The following PTP4A2 variants were observed in gnomAD, a reference collection of about 807,000 sequenced individuals.
PTP4A2 encodes the protein protein tyrosine phosphatase 4A2.
In PTP4A2, 2 loss-of-function variants were observed where a neutral mutation model predicts 22.9. The ratio of observed to expected loss-of-function variants is 0.09; its 90% CI spans 0.04 to 0.27. The LOEUF (loss-of-function observed/expected upper bound fraction) is 0.27, where lower values mean the gene tolerates loss of function less well. PTP4A2 is among the 10% of genes least tolerant of loss of function. PTP4A2 has a pLI of 1.00. For synonymous variants in PTP4A2, 68 were observed against 69.1 expected (o/e 0.98, Z 0.08); for missense variants, 103 against 205.1 (o/e 0.50, Z 3.04).
rs1247368382 is a variant in PTP4A2, at chr1:31,908,067, T to C, written c.*785A>G. ...GTATTAGATAGGGTTTTGAAGAAAC[T>C]AACATGAACACCCTTTCATCAGTAA... On this transcript the variant is annotated 3_prime_UTR_variant, in exon 6 of 6. Transcript: ENST00000647444. 10 of 130,512 alleles carry C rather than the reference T, an allele frequency of 7.7e-5. No individual in the cohort carries two copies. The highest frequency in any genetic ancestry group is 1.6e-4 in the Non-Finnish European group (10 of 61,404). 8.1% of individuals were successfully genotyped at this position (130,512 alleles called of 1,614,324 possible).
At chr1:31,912,765 T>C (rs545156854) in intron 3 of PTP4A2, among the ~76,000 whole-genome samples, 12 of 152,220 alleles carry the variant, frequency 7.9e-5, no homozygotes, top group African/African-American at 2.9e-4. Flanking sequence ...TGAGATTGGA[T>C]AAGGACACTT....
intron 2 of PTP4A2, among the ~76,000 whole-genome samples, chr1:31,918,197 C>T (rs1032045416): frequency 4.6e-5 from 7 of 150,986 alleles, no homozygotes; most frequent in African/African-American, 1.2e-4. Flanking sequence ...TGCAGTGAGC[C>T]GAGATAGTGC....
chr1:31,928,233 T>C (rs1652561903), intron 1 of PTP4A2, among the ~76,000 whole-genome samples: 1 of 147,288 alleles, frequency 6.8e-6, no homozygotes, highest in African/African-American at 2.5e-5. Flanking sequence ...AATAATATAA[T>C]ATATAGCATA....
In PTP4A2 at chr1:31,908,066, C is replaced by G. The variant is rs1651270151; in HGVS notation, c.*786G>C. On this transcript the variant is annotated 3_prime_UTR_variant, in exon 6 of 6. Transcript: ENST00000647444. ...AGTATTAGATAGGGTTTTGAAGAAA[C>G]TAACATGAACACCCTTTCATCAGTA... The G allele has an allele frequency of 7.7e-6, 1 of 130,454 alleles. No individual in the cohort carries two copies. Among genetic ancestry groups the G allele is most frequent in the Non-Finnish European group, 1.6e-5 (1 of 61,472 alleles). 8.1% of individuals were successfully genotyped at this position (130,454 alleles called of 1,614,324 possible).
chr1:31,921,376 TCTC>T (rs1489599760), intron 1 of PTP4A2: 1 of 152,134 alleles, frequency 6.6e-6, no homozygotes, highest in Non-Finnish European at 1.5e-5. Flanking sequence ...AACCTCATCC[TCTC>T]CTTTCTATTT....
intron 1 of PTP4A2, chr1:31,933,854 A>G (rs1382271030): frequency 6.6e-6 from 1 of 152,254 alleles, no homozygotes; most frequent in Non-Finnish European, 1.5e-5. Flanking sequence ...TTGGCGTAAG[A>G]AAGGAATGTG....
intron 1 of PTP4A2, among the ~76,000 whole-genome samples, chr1:31,922,634 CT>C (rs869069128): frequency 3.1e-5 from 3 of 97,232 alleles, no homozygotes; most frequent in East Asian, 2.7e-4. Flanking sequence ...TTCTTTCTTT[CT>C]TTTATTTATT....
intron 1 of PTP4A2, among the ~76,000 whole-genome samples, chr1:31,922,582 G>GTTGGTTTCTTTCTTTC (rs1553211652): frequency 7.1e-6 from 1 of 141,724 alleles, no homozygotes; most frequent in Non-Finnish European, 1.5e-5. Flanking sequence ...AAAAACCCAG[G>GTTGGTTTCTTTCTTTC]TTTGTTTCTT....
intron 1 of PTP4A2, among the ~76,000 whole-genome samples, chr1:31,922,256 G>C (rs1020358547): frequency 1.3e-5 from 2 of 152,356 alleles, no homozygotes; most frequent in African/African-American, 4.8e-5. Context: ...GGCCAAGGCA[G>C]GCAGATCACC....
Position 31,915,897 on chromosome 1 carries a change from G to A in PTP4A2, c.187C>T (p.Leu63=). The A allele has an allele frequency of 6.3e-7, 1 of 1,583,206 alleles. No individual in the cohort carries two copies. The highest frequency in any genetic ancestry group is 8.6e-7 in the Non-Finnish European group (1 of 1,164,866). ...APVEKEGIHV[L]DWPFDDGAPP... is the part of the protein sequence containing the mutation. ...AAATTTAAATACTACACACTCACTA[G>A]AACGTGGATTCCTTCTTTTTCAACT... is the stretch of plus-strand genomic sequence containing the variant. The change falls in exon 3 of 6, where the codon CTA becomes TTA. Residue 63 remains leucine, a splice_region_variant and synonymous_variant. Transcript: ENST00000647444.
chr1:31,935,952 G>A lies in PTP4A2; in HGVS notation c.-594+2035C>T, dbSNP rs138580846. Among the ~76,000 whole-genome samples the A allele has an allele frequency of 1.1e-3, 164 of 151,828 alleles. 5 individuals carry two copies. In the East Asian group the frequency reaches 0.03, roughly 27 times the overall value. ...TGGAACTACAGGCACGCACTACCACGCCTAACTTTTGTATTTTCTGTAGAA... is the reference window on the plus strand; with the variant it reads ...TGGAACTACAGGCACGCACTACCACACCTAACTTTTGTATTTTCTGTAGAA... On this transcript the variant is annotated intron_variant, in intron 1 of 5. Transcript: ENST00000647444.
At chr1:31,921,246 T>G (rs1479242279) in intron 1 of PTP4A2, 1 of 152,242 alleles carries the variant, frequency 6.6e-6, no homozygotes, top group Non-Finnish European at 1.5e-5. Context: ...AAAAATGAAG[T>G]GACTTGCCTA....
rs1651307795 is a variant in PTP4A2 at position 31,908,149 on chromosome 1, TATATATATATATATATATA to T, written c.*684_*702del. 4 of 838 alleles carry T rather than the reference TATATATATATATATATATA, an allele frequency of 4.8e-3. 1 individual carries two copies. The highest frequency in any genetic ancestry group is 0.013 in the African/African-American group (4 of 298). 0.1% of individuals were successfully genotyped at this position (838 alleles called of 1,614,324 possible). A position where few individuals can be genotyped will look rare whatever the true frequency, so the allele number is the denominator to read the frequency against. On this transcript the variant is annotated 3_prime_UTR_variant, in exon 6 of 6. Coordinates refer to ENST00000647444, the MANE Select transcript of PTP4A2 (RefSeq NM_080391.4). ...ATATATATATATTATATTATATATA[TATATATATATATATATATA>T]TATATATATATATATATATATATAT...
chr1:31,935,972 G>A (rs1652916610), intron 1 of PTP4A2, among the ~76,000 whole-genome samples: 1 of 151,898 alleles, frequency 6.6e-6, no homozygotes, highest in Non-Finnish European at 1.5e-5. Context: ...TGTATTTTCT[G>A]TAGAAATGGA....
At chr1:31,937,416 CCACA>C (rs1652983627) in intron 1 of PTP4A2, among the ~76,000 whole-genome samples, 2 of 151,902 alleles carry the variant, frequency 1.3e-5, no homozygotes, top group African/African-American at 2.4e-5. Context: ...TTCACTATCG[CCACA>C]CACAAAGACC....
intron 1 of PTP4A2, among the ~76,000 whole-genome samples, chr1:31,936,502 T>TG (rs1040453558): frequency 6.6e-6 from 1 of 152,178 alleles, no homozygotes; most frequent in African/African-American, 2.4e-5. Flanking sequence ...TAAGATCAAG[T>TG]GAAAGACTAC....
intron 3 of PTP4A2, chr1:31,913,894 G>A: frequency 2.2e-6 from 1 of 455,012 alleles, no homozygotes; most frequent in South Asian, 1.6e-5. Context: ...TCATAATGCA[G>A]CAAAATAAAC....
chr1:31,924,825 CT>C (rs1286525735), intron 1 of PTP4A2, among the ~76,000 whole-genome samples: 3 of 151,960 alleles, frequency 2.0e-5, no homozygotes, highest in African/African-American at 7.3e-5. Flanking sequence ...AAGAATACAA[CT>C]TCAATGAAGG....
At chr1:31,930,072 C>T (rs1463120292) in intron 1 of PTP4A2, among the ~76,000 whole-genome samples, 2 of 152,244 alleles carry the variant, frequency 1.3e-5, no homozygotes, top group African/African-American at 4.8e-5. Flanking sequence ...GGCGTGGTGG[C>T]TCACGCCTGT....
Sources: allele counts gnomAD v4.1 joint callset (sites outside exome capture counted in the v4.1 genomes callset), GRCh38; gene constraint gnomAD v4.1.1; transcripts MANE v1.5; gene names NCBI Gene and HGNC (gene_info 2026-07-23, HGNC 2026-07-21).